The following GRM8 variants were observed in gnomAD, a reference collection of about 807,000 sequenced individuals.
GRM8 encodes metabotropic glutamate receptor 8.
Under a neutral mutation model 87.2 loss-of-function variants are expected in GRM8, and 47 were observed. The observed-to-expected ratio is 0.54, with a 90% CI of 0.43 to 0.69. The LOEUF (loss-of-function observed/expected upper bound fraction) is 0.69, where lower values mean the gene tolerates loss of function less well. Ranked by LOEUF, GRM8 falls within the 30% of genes least tolerant of loss-of-function variation. The pLI is 0.00. For missense variants in GRM8, 1,019 were observed against 1,139.2 expected, an observed-to-expected ratio of 0.89 and a Z score of 1.52; for synonymous variants, 396 against 404.5, an observed-to-expected ratio of 0.98 and a Z score of 0.25.
chr7:126,612,533 C>T (rs1009751660), intron 7 of GRM8, among the ~76,000 whole-genome samples: 4 of 152,170 alleles, frequency 2.6e-5, no homozygotes, highest in African/African-American at 9.7e-5. Flanking sequence ...TATGTCCTAA[C>T]ATGCAATATC....
intron 3 of GRM8, among the ~76,000 whole-genome samples, chr7:127,090,060 T>G (rs865807417): frequency 8.5e-5 from 13 of 152,206 alleles, no homozygotes; most frequent in Admixed American, 1.3e-4. Flanking sequence ...TGGGACCTTG[T>G]GACCACTTGT....
intron 2 of GRM8, among the ~76,000 whole-genome samples, chr7:127,186,228 G>T (rs1308176443): frequency 6.6e-6 from 1 of 152,136 alleles, no homozygotes; most frequent in Admixed American, 6.6e-5. Context: ...TCTTGGTGGG[G>T]TGAGGGGAAA....
intron 7 of GRM8, among the ~76,000 whole-genome samples, chr7:126,729,098 A>C (rs922281299): frequency 3.3e-5 from 5 of 152,170 alleles, no homozygotes; most frequent in African/African-American, 9.7e-5. Flanking sequence ...ATAGTGATTA[A>C]AGACCTGATT....
At chr7:126,699,220 T>C (rs1255182508) in intron 7 of GRM8, among the ~76,000 whole-genome samples, 1 of 152,166 alleles carries the variant, frequency 6.6e-6, no homozygotes, top group Non-Finnish European at 1.5e-5. Flanking sequence ...AGACTAATGA[T>C]AGACGGAATG....
intron 2 of GRM8, among the ~76,000 whole-genome samples, chr7:127,194,460 T>A (rs2299552): frequency 2.6e-5 from 4 of 151,610 alleles, no homozygotes; most frequent in Non-Finnish European, 5.9e-5. Flanking sequence ...AGAGTTTGAA[T>A]AAAGCCCCCA....
intron 6 of GRM8, among the ~76,000 whole-genome samples, chr7:126,796,566 T>C (rs1180923643): frequency 2.0e-5 from 3 of 152,066 alleles, no homozygotes; most frequent in African/African-American, 7.2e-5. Flanking sequence ...GAGTGGCTCA[T>C]AGGAACCTGG....
chr7:126,803,915 T>C (rs918475011), intron 6 of GRM8, among the ~76,000 whole-genome samples: 1 of 152,266 alleles, frequency 6.6e-6, no homozygotes, highest in African/African-American at 2.4e-5. Flanking sequence ...GCCTGGCACA[T>C]AGTAAATCGT....
chr7:127,044,563 T>A (rs1818751512), intron 3 of GRM8, among the ~76,000 whole-genome samples: 1 of 149,072 alleles, frequency 6.7e-6, no homozygotes, highest in African/African-American at 2.5e-5. Context: ...ACCGTTTAGC[T>A]AAAAAAAAAA....
At chr7:126,737,788 C>A (rs1814405867) in intron 7 of GRM8, among the ~76,000 whole-genome samples, 2 of 152,110 alleles carry the variant, frequency 1.3e-5, no homozygotes, top group African/African-American at 4.8e-5. Flanking sequence ...AGTCATGACT[C>A]CCACCCTCAA....
intron 8 of GRM8, among the ~76,000 whole-genome samples, chr7:126,571,251 A>G (rs1384885558): frequency 6.6e-6 from 1 of 152,256 alleles, no homozygotes; most frequent in Non-Finnish European, 1.5e-5. Flanking sequence ...GATAAAAATA[A>G]GTAGAAAATT....
chr7:126,929,623 G>A (rs139072411), intron 3 of GRM8, among the ~76,000 whole-genome samples: 2,341 of 151,884 alleles, frequency 0.015, 53 homozygotes, highest in African/African-American at 0.05. Flanking sequence ...TAGTAGAGAC[G>A]GGGTTTCACC....
At chr7:126,643,310 AAAAAAAAAAATATATATATATATATAT>A (rs1206005453) in intron 7 of GRM8, among the ~76,000 whole-genome samples, 5 of 30,702 alleles carry the variant, frequency 1.6e-4, no homozygotes, top group African/African-American at 6.9e-4. Context: ...AAAAAAAAAA[AAAAAAAAAAATATATATATATATATAT>A]ATATATATAT....
At chr7:126,523,512 T>G (rs1161900215) in intron 9 of GRM8, among the ~76,000 whole-genome samples, 3 of 151,978 alleles carry the variant, frequency 2.0e-5, no homozygotes, top group Non-Finnish European at 4.4e-5. Flanking sequence ...TTTTTTTTTT[T>G]TTGAAACAGA....
intron 3 of GRM8, among the ~76,000 whole-genome samples, chr7:127,008,248 A>G (rs371243043): frequency 1.3e-5 from 2 of 152,088 alleles, no homozygotes; most frequent in East Asian, 3.9e-4. Flanking sequence ...GTTGAACACT[A>G]TCTTTTCAAC....
chr7:126,968,377 T>C (rs540276367), intron 3 of GRM8, among the ~76,000 whole-genome samples: 3 of 152,200 alleles, frequency 2.0e-5, no homozygotes, highest in Admixed American at 1.3e-4. Flanking sequence ...ATCCTTGTTA[T>C]AAGAATGGTA....
Position 126,627,715 on chromosome 7 carries a change from C to A in GRM8, c.1358-18217G>T, listed in dbSNP as rs199521375. On this transcript the variant is annotated intron_variant, in intron 7 of 10. Coordinates refer to ENST00000339582, the MANE Select transcript of GRM8 (RefSeq NM_000845.3). ...ACTTTTCATCAGTTTAAGAAAGTCC[C>A]TCATATTCTAAATGAACTAATATTT... is the stretch of plus-strand genomic sequence containing the variant. Among the ~76,000 whole-genome samples the A allele has an allele frequency of 2.0e-5, 3 of 151,936 alleles. No homozygotes were observed. In the East Asian group the frequency reaches 5.8e-4, roughly 29 times the overall value.
chr7:126,652,296 T>A (rs1427523262), intron 7 of GRM8, among the ~76,000 whole-genome samples: 1 of 152,218 alleles, frequency 6.6e-6, no homozygotes, highest in Non-Finnish European at 1.5e-5. Flanking sequence ...ATGACCTTAT[T>A]ATTGTCTTTA....
chr7:126,516,382 G>A (rs1269381768), intron 9 of GRM8, among the ~76,000 whole-genome samples: 1 of 151,964 alleles, frequency 6.6e-6, no homozygotes, highest in Non-Finnish European at 1.5e-5. Flanking sequence ...AAGAATTTGT[G>A]GGATCATCTG....
chr7:126,506,186 C>T (rs1324302467), intron 9 of GRM8, among the ~76,000 whole-genome samples: 2 of 151,924 alleles, frequency 1.3e-5, no homozygotes, highest in Non-Finnish European at 2.9e-5. Flanking sequence ...TTTTTTAAGG[C>T]TGGATAAAAT....
Sources: gnomAD v4.1 joint callset for allele counts (sites outside exome capture counted in the v4.1 genomes callset) on GRCh38, gnomAD v4.1.1 for gene constraint, MANE v1.5 for transcripts, NCBI Gene and HGNC (gene_info 2026-07-23, HGNC 2026-07-21) for gene names.